DLG1: variants seen among roughly 807,000 people sequenced by gnomAD.
The protein encoded by DLG1 is discs large MAGUK scaffold protein 1, also known as disks large homolog 1.
In DLG1, 42 loss-of-function variants were observed where a neutral mutation model predicts 123.4. The observed-to-expected ratio is 0.34, with a 90% CI of 0.27 to 0.44. The LOEUF (loss-of-function observed/expected upper bound fraction) is 0.44. Ranked by LOEUF, DLG1 falls within the 20% of genes least tolerant of loss-of-function variation. The probability of loss-of-function intolerance (pLI) is 1.00; values close to 1 mark genes in which losing one functional copy is unlikely to be tolerated. For synonymous variants in DLG1, 317 were observed against 356.2 expected (o/e 0.89, Z 1.24); for missense variants, 942 against 1,082.6 (o/e 0.87, Z 1.82).
In DLG1 at chr3:197,090,701, G is replaced by A. The variant is rs547960920; in HGVS notation, c.1661+211C>T. On this transcript the variant is annotated intron_variant, in intron 15 of 24. Transcript: ENST00000667157. ...CTTTATTATATCATCATTATTCAAG[G>A]ATTACATAACTTTCATTAATAAAAT... Among the ~76,000 whole-genome samples, 4 of 151,906 alleles carry A rather than the reference G, an allele frequency of 2.6e-5. No homozygotes were observed. The South Asian group carries it at 8.3e-4, about 32-fold the overall frequency.
chr3:197,105,055 AGAAATCACAATAGTCTATTCTTT>A (rs747789671), intron 13 of DLG1, 50 bp from the exon 14 acceptor site: 2 of 1,186,524 alleles, frequency 1.7e-6, no homozygotes, highest in Non-Finnish European at 2.4e-6. Flanking sequence ...CACTGTGATT[AGAAATCACAATAGTCTATTCTTT>A]GAGTAAGCAT....
At chr3:197,119,361 A>C (rs1469617782) in intron 12 of DLG1, 49 bp downstream of exon 12, 3 of 1,483,606 alleles carry the variant, frequency 2.0e-6, no homozygotes, top group Non-Finnish European at 2.7e-6. Flanking sequence ...ATTAAAATTC[A>C]ATTTAATAGT....
chr3:197,154,055 C>CA (rs1338427887), intron 5 of DLG1, among the ~76,000 whole-genome samples: 3 of 152,088 alleles, frequency 2.0e-5, no homozygotes, highest in African/African-American at 7.2e-5. Flanking sequence ...GTAATCCTAG[C>CA]ACTTTGGGAG....
At chr3:197,201,895 A>C (rs546359268) in intron 4 of DLG1, among the ~76,000 whole-genome samples, 5 of 152,258 alleles carry the variant, frequency 3.3e-5, no homozygotes, top group African/African-American at 1.2e-4. Flanking sequence ...ACTCAGACAC[A>C]GAAAGACAAA....
intron 18 of DLG1, among the ~76,000 whole-genome samples, chr3:197,075,134 T>G (rs1746332991): frequency 6.6e-6 from 1 of 151,944 alleles, no homozygotes; most frequent in South Asian, 2.1e-4. Flanking sequence ...CATTCATTCA[T>G]GCCAACATTT....
chr3:197,297,685 T>C (rs1373940798), intron 1 of DLG1: 1 of 989,086 alleles, frequency 1.0e-6, no homozygotes, highest in Non-Finnish European at 1.2e-6. Flanking sequence ...TTCTCCTTGC[T>C]CGCTGCCTCC....
intron 13 of DLG1, among the ~76,000 whole-genome samples, chr3:197,106,878 G>A (rs897683296): frequency 2.0e-5 from 3 of 151,848 alleles, no homozygotes; most frequent in Non-Finnish European, 2.9e-5. Context: ...GAAATAATTC[G>A]CATACCATAG....
At chr3:197,071,479 A>G (rs1252999031) in intron 18 of DLG1, among the ~76,000 whole-genome samples, 5 of 151,766 alleles carry the variant, frequency 3.3e-5, no homozygotes, top group African/African-American at 1.2e-4. Context: ...CCACAATCAA[A>G]TTCTGCAGGT....
intron 4 of DLG1, among the ~76,000 whole-genome samples, chr3:197,242,753 T>C (rs1220169641): frequency 2.0e-5 from 3 of 152,096 alleles, no homozygotes; most frequent in East Asian, 1.9e-4. Flanking sequence ...ACCAAAGCTA[T>C]GGAATACAGC....
chr3:197,191,147 A>G (rs1719260456), intron 5 of DLG1, among the ~76,000 whole-genome samples: 1 of 152,146 alleles, frequency 6.6e-6, no homozygotes, highest in South Asian at 2.1e-4. Context: ...GCAAAATGGG[A>G]TTTCACTGGT....
intron 4 of DLG1, among the ~76,000 whole-genome samples, chr3:197,221,936 C>T (rs6782349): frequency 0.24 from 36,576 of 152,134 alleles, 5,508 homozygotes; most frequent in East Asian, 0.68. Flanking sequence ...AGTATTTGCA[C>T]ATAACCTATG....
At chr3:197,169,043 T>C (rs1802780577) in intron 5 of DLG1, among the ~76,000 whole-genome samples, 1 of 152,254 alleles carries the variant, frequency 6.6e-6, no homozygotes, top group African/African-American at 2.4e-5. Flanking sequence ...TAATTTTCTC[T>C]ATAGCTTTAT....
At chr3:197,070,626 G>A (rs1460845794) in intron 18 of DLG1, 2 of 137,070 alleles carry the variant, frequency 1.5e-5, no homozygotes, top group South Asian at 2.3e-4. Context: ...GGAGTGCAGT[G>A]GCACGATCTC....
intron 6 of DLG1, among the ~76,000 whole-genome samples, chr3:197,146,398 A>G (rs560380464): frequency 2.0e-5 from 3 of 152,358 alleles, no homozygotes; most frequent in African/African-American, 7.2e-5. Context: ...CCTGACTCCA[A>G]ACTATACTAT....
chr3:197,283,948 A>AC (rs1483466472), intron 3 of DLG1, among the ~76,000 whole-genome samples: 1 of 135,294 alleles, frequency 7.4e-6, no homozygotes, highest in East Asian at 2.3e-4. Flanking sequence ...GGCAACCTCC[A>AC]CCTCCTGGGT....
intron 23 of DLG1, among the ~76,000 whole-genome samples, chr3:197,057,911 T>C (rs889616382): frequency 3.3e-5 from 5 of 152,150 alleles, no homozygotes; most frequent in Non-Finnish European, 7.3e-5. Flanking sequence ...CTTTATCATA[T>C]GTTTGTTTTT....
At chr3:197,286,442 G>C (rs767249736) in intron 3 of DLG1, among the ~76,000 whole-genome samples, 3 of 152,138 alleles carry the variant, frequency 2.0e-5, no homozygotes, top group Non-Finnish European at 4.4e-5. Context: ...TCCCTTGCAC[G>C]CGCAGTTCAC....
At chr3:197,229,454 TAAAAAAA>T (rs35520172) in intron 4 of DLG1, among the ~76,000 whole-genome samples, 1 of 121,442 alleles carries the variant, frequency 8.2e-6, no homozygotes, top group Admixed American at 8.5e-5. Flanking sequence ...GCCTGTCTCT[TAAAAAAA>T]AAAAAAAAAA....
chr3:197,245,060 T>C (rs1195633896), intron 4 of DLG1, among the ~76,000 whole-genome samples: 4 of 152,240 alleles, frequency 2.6e-5, no homozygotes, highest in Admixed American at 6.5e-5. Flanking sequence ...AGGAAGGCAC[T>C]TGGTCCATGA....
Sources: gnomAD v4.1 joint callset for allele counts (sites outside exome capture counted in the v4.1 genomes callset) on GRCh38, gnomAD v4.1.1 for gene constraint, MANE v1.5 for transcripts, NCBI Gene and HGNC (gene_info 2026-07-23, HGNC 2026-07-21) for gene names.